Variants in SLC6A5 observed in about 807,000 individuals in gnomAD.
The protein encoded by SLC6A5 is sodium- and chloride-dependent glycine transporter 2.
Under a neutral mutation model 90.5 loss-of-function variants are expected in SLC6A5, and 58 were observed. That is an observed-to-expected ratio of 0.64 (90% CI 0.52 to 0.80). The LOEUF (loss-of-function observed/expected upper bound fraction) is 0.80, where lower values mean the gene tolerates loss of function less well. Ranked by LOEUF, SLC6A5 falls within the 30% of genes least tolerant of loss-of-function variation. The pLI is 0.00. For missense variants in SLC6A5, 1,015 were observed against 1,017.6 expected (o/e 1.00, Z 0.03); for synonymous variants, 427 against 401.4 (o/e 1.06, Z -0.76).
intron 10 of SLC6A5, among the ~76,000 whole-genome samples, chr11:20,633,545 G>A (rs1326113279): frequency 6.6e-6 from 1 of 152,002 alleles, no homozygotes; most frequent in African/African-American, 2.4e-5. Flanking sequence ...ACTGACCAGA[G>A]CCCCTTGCTG....
At chr11:20,651,298 G>A (rs907104550) in intron 14 of SLC6A5, among the ~76,000 whole-genome samples, 3 of 134,600 alleles carry the variant, frequency 2.2e-5, no homozygotes, top group Non-Finnish European at 3.1e-5. Context: ...TCCTGAGACC[G>A]AGACGCGCCC....
At chr11:20,612,153 G>A (rs1399304383) in intron 5 of SLC6A5, among the ~76,000 whole-genome samples, 2 of 152,168 alleles carry the variant, frequency 1.3e-5, no homozygotes, top group African/African-American at 2.4e-5. Context: ...GAAACTCTGC[G>A]GTGTGTATGG....
At chr11:20,632,684 G>A (rs1853130623) in intron 10 of SLC6A5, among the ~76,000 whole-genome samples, 1 of 152,142 alleles carries the variant, frequency 6.6e-6, no homozygotes, top group Non-Finnish European at 1.5e-5. Context: ...GTGCTTTACA[G>A]GCTTGTCTTA....
intron 7 of SLC6A5, among the ~76,000 whole-genome samples, chr11:20,625,075 T>C (rs1852966727): frequency 6.6e-6 from 1 of 152,156 alleles, no homozygotes. Context: ...GGAGTCAGAA[T>C]TTGGACCCAG....
chr11:20,652,315 G>A lies in SLC6A5; in HGVS notation c.2097G>A (p.Gln699=). 6.2e-7 allele frequency: 1 copy of A among 1,614,194 alleles called. No homozygotes were observed. The highest frequency in any genetic ancestry group is 8.5e-7 in the Non-Finnish European group (1 of 1,180,032). The change falls in exon 15 of 16, where the codon CAG becomes CAA. Residue 699 remains glutamine, a synonymous_variant. Transcript: ENST00000525748. ...LTFILCFSFY[Q]WEPMTYGSYR... is the part of the protein sequence containing the mutation. ...TTATCCTTTGCTTCAGCTTTTACCA[G>A]TGGGAGCCCATGACCTATGGCTCTT...
At chr11:20,601,105 A>C (rs1298854897) in intron 1 of SLC6A5, 24 bp from the exon 2 acceptor site, 1 of 1,576,170 alleles carries the variant, frequency 6.3e-7, no homozygotes, top group Non-Finnish European at 8.6e-7. Flanking sequence ...TTTGTTTTGC[A>C]CGAACTTGAC....
rs758123289 is a variant in SLC6A5 at position 20,638,543 on chromosome 11, A to G, written c.1954A>G (p.Ile652Val). 1 of 1,605,338 alleles carries G rather than the reference A, an allele frequency of 6.2e-7. No homozygotes were observed. Among genetic ancestry groups the G allele is most frequent in the Non-Finnish European group, 8.5e-7 (1 of 1,172,058 alleles). ...VIIAIFELVG[I>V]SYVYGLQRFC... ...CATTGCCATTTTTGAGCTCGTGGGG[A>G]TCTCTTATGTGTATGGTAAGGAAAT... Residue 652 changes from isoleucine (I) to valine (V), a missense_variant, in exon 13 of 16, where the codon ATC becomes GTC. Ile to Val is a conservative substitution (Grantham distance 29). This residue lies in a region of SLC6A5 where 442 missense variants were observed against 494.3 expected (regional missense o/e 0.89). Coordinates refer to ENST00000525748, the MANE Select transcript of SLC6A5 (RefSeq NM_004211.5).
At position 20,657,823 on chromosome 11, in the gene SLC6A5, G is replaced by T. The variant is rs1853655912; in HGVS notation, c.*2955G>T. 1.3e-5 allele frequency: 2 copies of T among 152,170 alleles called. No individual in the cohort carries two copies. Among genetic ancestry groups the T allele is most frequent in the Non-Finnish European group, 2.9e-5 (2 of 68,022 alleles). 9.4% of individuals were successfully genotyped at this position (152,170 alleles called of 1,614,324 possible). A position where few individuals can be genotyped will look rare whatever the true frequency, so the allele number is the denominator to read the frequency against. On this transcript the variant is annotated 3_prime_UTR_variant, in exon 16 of 16. Coordinates refer to ENST00000525748, the MANE Select transcript of SLC6A5 (RefSeq NM_004211.5). ...AAAAATGTATATTTCTTAACAAGTGGTGTTGTGACTTCTTATGCAAATGTC... is the reference window on the plus strand; with the variant it reads ...AAAAATGTATATTTCTTAACAAGTGTTGTTGTGACTTCTTATGCAAATGTC...
intron 13 of SLC6A5, among the ~76,000 whole-genome samples, chr11:20,641,633 C>A (rs547747881): frequency 1.7e-4 from 26 of 152,274 alleles, no homozygotes; most frequent in African/African-American, 6.3e-4. Context: ...ATGGTATACA[C>A]CACCAATTTC....
chr11:20,618,311 T>C (rs1356541848), intron 7 of SLC6A5, among the ~76,000 whole-genome samples: 4 of 152,184 alleles, frequency 2.6e-5, no homozygotes, highest in Admixed American at 1.3e-4. Flanking sequence ...TGGCTGAAGA[T>C]CAAAACTGTG....
rs1214367394 is a variant in SLC6A5 at position 20,601,630 on chromosome 11, G to A, written c.505G>A (p.Val169Met). Residue 169 changes from valine to methionine, a missense_variant, in exon 2 of 16, where the codon GTG becomes ATG. By Grantham distance (21) the Val-to-Met change is conservative. Coordinates refer to ENST00000525748, the MANE Select transcript of SLC6A5 (RefSeq NM_004211.5). ...GCTGGCCACGGATGGAATCACGTCCGTGCTCCCGGGCAGCGTGGCCACCGT... is the reference window on the plus strand; with the variant it reads ...GCTGGCCACGGATGGAATCACGTCCATGCTCCCGGGCAGCGTGGCCACCGT... ...VVLATDGITS[V>M]LPGSVATVAT... The A allele has an allele frequency of 2.5e-6, 4 of 1,614,034 alleles. No homozygotes were observed. The highest frequency in any genetic ancestry group is 1.7e-6 in the Non-Finnish European group (2 of 1,179,978).
At chr11:20,609,611 T>C (rs1852657283) in intron 5 of SLC6A5, among the ~76,000 whole-genome samples, 1 of 152,220 alleles carries the variant, frequency 6.6e-6, no homozygotes. Context: ...TTCCCACCAA[T>C]TGCCTTCCAG....
chr11:20,631,311 CT>C, intron 10 of SLC6A5, among the ~76,000 whole-genome samples: 1 of 152,318 alleles, frequency 6.6e-6, no homozygotes, highest in Non-Finnish European at 1.5e-5. Context: ...CTTTCAGGGC[CT>C]TCTGCTTAGT....
intron 13 of SLC6A5, among the ~76,000 whole-genome samples, chr11:20,638,768 G>A (rs188446529): frequency 2.0e-5 from 3 of 152,262 alleles, no homozygotes; most frequent in South Asian, 2.1e-4. Context: ...GGCTGAAGGC[G>A]AAACTTAAAA....
intron 14 of SLC6A5, 74 bp from the exon 15 acceptor site, chr11:20,652,215 G>A (rs1339552174): frequency 7.5e-7 from 1 of 1,334,026 alleles, no homozygotes; most frequent in East Asian, 2.3e-5. Flanking sequence ...ACTCATAACG[G>A]GGGTTTAATA....
chr11:20,650,762 G>C (rs947211006), intron 14 of SLC6A5, among the ~76,000 whole-genome samples: 1 of 145,056 alleles, frequency 6.9e-6, no homozygotes, highest in Non-Finnish European at 1.5e-5. Flanking sequence ...CGCCTCCCGG[G>C]TTCACGCCAT....
At position 20,626,799 on chromosome 11, in the gene SLC6A5, G is replaced by T. The variant is rs753645462; in HGVS notation, c.1352G>T (p.Trp451Leu). 1 of 1,613,946 alleles carries T rather than the reference G, an allele frequency of 6.2e-7. No homozygotes were observed. The highest frequency in any genetic ancestry group is 2.2e-5 in the East Asian group (1 of 44,880). The change falls in exon 8 of 16, where the codon TGG (tryptophan) becomes TTG (leucine). Residue 451 changes from tryptophan to leucine, a missense_variant. By Grantham distance (61) the Trp-to-Leu change is moderately conservative. Transcript: ENST00000525748. ...CTGCCTGGAGCTGGAGCTGGGATCT[G>T]GTACTTCATCACACCCAAGTGGGAG... ...VTLPGAGAGI[W>L]YFITPKWEKL...
chr11:20,644,295 AT>A (rs530140716), intron 13 of SLC6A5, among the ~76,000 whole-genome samples: 4 of 149,612 alleles, frequency 2.7e-5, no homozygotes, highest in African/African-American at 4.9e-5. Flanking sequence ...TCTGTGTTCA[AT>A]TTTTTTTTTA....
chr11:20,600,700 A>G (rs565337068), intron 1 of SLC6A5, among the ~76,000 whole-genome samples: 83 of 152,172 alleles, frequency 5.5e-4, no homozygotes, highest in Non-Finnish European at 1.0e-3. Flanking sequence ...TCTATGGGGG[A>G]AAAAGGCAGT....
Sources: gnomAD v4.1 joint callset for allele counts (sites outside exome capture counted in the v4.1 genomes callset) on GRCh38, gnomAD v4.1.1 for gene constraint, gnomAD v4.1.1 regional missense constraint, MANE v1.5 for transcripts, NCBI Gene and HGNC (gene_info 2026-07-23, HGNC 2026-07-21) for gene names.